Variants in PEX14 observed in about 807,000 individuals in gnomAD.
The protein encoded by PEX14 is peroxisomal membrane protein PEX14.
PEX14 carries 15 observed loss-of-function variants against 49.5 expected under a neutral mutation model. That is an observed-to-expected ratio of 0.30 (90% CI 0.20 to 0.47). The LOEUF is 0.47. PEX14 is among the 20% of genes least tolerant of loss of function. PEX14 has a pLI of 1.00. For missense variants in PEX14, 398 were observed against 494.8 expected (o/e 0.80, Z 1.86); for synonymous variants, 210 against 212.7 (o/e 0.99, Z 0.11).
chr1:10,598,126 A>G (rs1041723112), intron 3 of PEX14, among the ~76,000 whole-genome samples: 9 of 152,282 alleles, frequency 5.9e-5, no homozygotes, highest in Non-Finnish European at 1.3e-4. Flanking sequence ...TGTAGTTTAA[A>G]AGCTCTGTGT....
At chr1:10,566,867 A>G (rs1039499142) in intron 3 of PEX14, among the ~76,000 whole-genome samples, 28 of 152,016 alleles carry the variant, frequency 1.8e-4, no homozygotes, top group African/African-American at 6.8e-4. Context: ...GTAATCAGGA[A>G]TTTATTTCAG....
chr1:10,486,475 T>G (rs1022058408), intron 1 of PEX14, among the ~76,000 whole-genome samples: 3 of 150,836 alleles, frequency 2.0e-5, no homozygotes, highest in African/African-American at 7.3e-5. Context: ...AGGCCAGGAG[T>G]TCGAGACCAG....
chr1:10,500,668 G>A (rs1252573129), intron 2 of PEX14, among the ~76,000 whole-genome samples: 2 of 152,062 alleles, frequency 1.3e-5, no homozygotes, highest in Admixed American at 6.6e-5. Context: ...TCTGTCTCCC[G>A]GGTTCAAGTG....
intron 2 of PEX14, among the ~76,000 whole-genome samples, chr1:10,499,551 C>T (rs950540534): frequency 6.7e-6 from 1 of 150,358 alleles, no homozygotes; most frequent in Non-Finnish European, 1.5e-5. Context: ...CGGGTTCAAG[C>T]GATTCTCCTG....
intron 2 of PEX14, among the ~76,000 whole-genome samples, chr1:10,525,916 G>T (rs553638354): frequency 6.6e-6 from 1 of 150,574 alleles, no homozygotes; most frequent in Non-Finnish European, 1.5e-5. Flanking sequence ...GAGCCACTGC[G>T]CCTGGCTGAT....
At chr1:10,573,509 C>G (rs990477123) in intron 3 of PEX14, among the ~76,000 whole-genome samples, 1 of 152,290 alleles carries the variant, frequency 6.6e-6, no homozygotes, top group South Asian at 2.1e-4. Flanking sequence ...GCCTAATATC[C>G]TTCCTCATCA....
chr1:10,476,766 T>G (rs2124361396), intron 1 of PEX14, among the ~76,000 whole-genome samples: 1 of 151,948 alleles, frequency 6.6e-6, no homozygotes, highest in East Asian at 1.9e-4. Flanking sequence ...GCTGAGATTA[T>G]ATGCGTGAGC....
intron 2 of PEX14, among the ~76,000 whole-genome samples, chr1:10,496,884 T>C (rs1036942643): frequency 2.0e-5 from 3 of 151,986 alleles, no homozygotes; most frequent in Non-Finnish European, 2.9e-5. Flanking sequence ...TTACCTTATA[T>C]TTAATTAATA....
chr1:10,478,674 G>A (rs1641234339), intron 1 of PEX14, among the ~76,000 whole-genome samples: 1 of 152,002 alleles, frequency 6.6e-6, no homozygotes, highest in Non-Finnish European at 1.5e-5. Context: ...GCCCGCCCAG[G>A]CTCAGGCAAT....
At chr1:10,493,919 CCAAGAAGAGG>C (rs1641513167) in intron 1 of PEX14, among the ~76,000 whole-genome samples, 1 of 152,136 alleles carries the variant, frequency 6.6e-6, no homozygotes, top group Non-Finnish European at 1.5e-5. Flanking sequence ...CAGCTTAACT[CCAAGAAGAGG>C]CAGGAAGGCA....
intron 6 of PEX14, among the ~76,000 whole-genome samples, chr1:10,624,024 C>T (rs967916886): frequency 1.3e-5 from 2 of 152,130 alleles, no homozygotes; most frequent in South Asian, 2.1e-4. Context: ...AGATGAAGGA[C>T]GCAGGCGCCA....
At chr1:10,489,403 C>T (rs1055314679) in intron 1 of PEX14, among the ~76,000 whole-genome samples, 6 of 152,122 alleles carry the variant, frequency 3.9e-5, no homozygotes, top group African/African-American at 1.4e-4. Context: ...TTATGGTTTA[C>T]TGTTATCATT....
intron 5 of PEX14, among the ~76,000 whole-genome samples, chr1:10,620,796 C>T (rs1424390876): frequency 6.6e-6 from 1 of 152,244 alleles, no homozygotes; most frequent in African/African-American, 2.4e-5. Flanking sequence ...GAGACTTTGT[C>T]TCAAATAAAT....
chr1:10,555,642 AGTGTGTGT>A (rs56824548), intron 3 of PEX14, among the ~76,000 whole-genome samples: 2,074 of 149,472 alleles, frequency 0.014, 57 homozygotes, highest in African/African-American at 0.049. Flanking sequence ...GCAAGGTGTG[AGTGTGTGT>A]GTGTGTGTGT....
At chr1:10,503,173 C>G (rs748221162) in intron 2 of PEX14, among the ~76,000 whole-genome samples, 2 of 150,488 alleles carry the variant, frequency 1.3e-5, no homozygotes, top group Admixed American at 6.7e-5. Flanking sequence ...TCCCTTTTCT[C>G]CTAGAGGCTT....
intron 4 of PEX14, among the ~76,000 whole-genome samples, chr1:10,604,596 G>A (rs963608736): frequency 6.6e-6 from 1 of 152,134 alleles, no homozygotes; most frequent in Non-Finnish European, 1.5e-5. Flanking sequence ...GGGCTCCAGA[G>A]CAAGGCCCTG....
chr1:10,534,258 G>A (rs980244903), intron 2 of PEX14, among the ~76,000 whole-genome samples: 10 of 152,028 alleles, frequency 6.6e-5, no homozygotes, highest in African/African-American at 2.2e-4. Context: ...CTATCCCCAC[G>A]CCATCTGAGC....
chr1:10,624,967 T>C (rs1241250302), intron 7 of PEX14, among the ~76,000 whole-genome samples: 1 of 152,170 alleles, frequency 6.6e-6, no homozygotes, highest in African/African-American at 2.4e-5. Context: ...CCCAAGGCAG[T>C]GTCCTTGCCT....
At chr1:10,567,078 A>T (rs1315990128) in intron 3 of PEX14, among the ~76,000 whole-genome samples, 3 of 152,224 alleles carry the variant, frequency 2.0e-5, no homozygotes, top group African/African-American at 7.2e-5. Flanking sequence ...GTATAAACTA[A>T]TGAGAAATAA....
Sources: allele counts gnomAD v4.1 joint callset (sites outside exome capture counted in the v4.1 genomes callset), GRCh38; gene constraint gnomAD v4.1.1; transcripts MANE v1.5; gene names NCBI Gene and HGNC (gene_info 2026-07-23, HGNC 2026-07-21).